Variants in NALF1 observed in about 807,000 individuals in gnomAD.
NALF1 encodes NALCN channel auxiliary factor 1.
NALF1 carries 3 observed loss-of-function variants against 48.4 expected under a neutral mutation model. The ratio of observed to expected loss-of-function variants is 0.06; its 90% CI spans 0.03 to 0.16. NALF1 has a LOEUF of 0.16. Ranked by LOEUF, NALF1 falls within the 10% of genes least tolerant of loss-of-function variation. The pLI is 1.00. For synonymous variants in NALF1, 262 were observed against 245.7 expected (o/e 1.07, Z -0.62); for missense variants, 526 against 571.5 (o/e 0.92, Z 0.81).
intron 1 of NALF1, among the ~76,000 whole-genome samples, chr13:107,725,451 T>C (rs904986975): frequency 6.6e-6 from 1 of 152,232 alleles, no homozygotes; most frequent in Non-Finnish European, 1.5e-5. Context: ...CTCACACCTG[T>C]AATCCCAACA....
intron 1 of NALF1, among the ~76,000 whole-genome samples, chr13:107,520,166 G>A (rs1876190288): frequency 6.6e-6 from 1 of 152,040 alleles, no homozygotes; most frequent in African/African-American, 2.4e-5. Context: ...GTTTTTGGGG[G>A]TTCAGAGAAA....
rs145046659 is a variant in NALF1 at position 107,720,135 on chromosome 13, G to T, written c.915+145547C>A. On this transcript the variant is annotated intron_variant, in intron 1 of 2. Transcript: ENST00000375915. ...AGCGTTTTGGTGGCCTCCACCCTAC[G>T]AACTTGCCACTCATTAAACATGTAC... 1.8e-3 allele frequency among the ~76,000 whole-genome samples: 280 copies of T among 152,228 alleles called. 1 individual carries two copies. Among genetic ancestry groups the T allele is most frequent in the African/African-American group, 6.3e-3 (263 of 41,548 alleles).
At chr13:107,498,519 A>T (rs1383992808) in intron 1 of NALF1, among the ~76,000 whole-genome samples, 1 of 152,178 alleles carries the variant, frequency 6.6e-6, no homozygotes, top group African/African-American at 2.4e-5. Context: ...AGATATGGGA[A>T]TATGATGATT....
intron 1 of NALF1, among the ~76,000 whole-genome samples, chr13:107,645,951 C>T (rs1179666313): frequency 1.3e-5 from 2 of 152,096 alleles, no homozygotes; most frequent in South Asian, 4.1e-4. Flanking sequence ...CTCTTGGTAG[C>T]CACTCTCAAC....
intron 1 of NALF1, among the ~76,000 whole-genome samples, chr13:107,412,275 G>A (rs1407264915): frequency 6.6e-6 from 1 of 152,130 alleles, no homozygotes; most frequent in African/African-American, 2.4e-5. Flanking sequence ...CACGGAAGTT[G>A]TCTCATTTAA....
At chr13:107,360,600 G>A (rs1330688830) in intron 1 of NALF1, among the ~76,000 whole-genome samples, 1 of 151,940 alleles carries the variant, frequency 6.6e-6, no homozygotes, top group East Asian at 1.9e-4. Context: ...ATTCCTACCT[G>A]CTTTTTCACA....
chr13:107,261,800 G>A (rs1880932357), intron 1 of NALF1, among the ~76,000 whole-genome samples: 1 of 152,078 alleles, frequency 6.6e-6, no homozygotes, highest in African/African-American at 2.4e-5. Context: ...AGTTACTTGA[G>A]CAAATAAATC....
At chr13:107,549,013 T>C (rs986183922) in intron 1 of NALF1, among the ~76,000 whole-genome samples, 5 of 152,154 alleles carry the variant, frequency 3.3e-5, no homozygotes, top group African/African-American at 9.6e-5. Flanking sequence ...ATATTGACTA[T>C]AGATGTGTAA....
At chr13:107,354,360 G>A (rs960790422) in intron 1 of NALF1, among the ~76,000 whole-genome samples, 6 of 152,040 alleles carry the variant, frequency 3.9e-5, no homozygotes, top group African/African-American at 1.5e-4. Flanking sequence ...AAAAAGGTAT[G>A]GTGGAGAGAG....
chr13:107,804,630 C>A (rs1878719961), intron 1 of NALF1, among the ~76,000 whole-genome samples: 1 of 152,084 alleles, frequency 6.6e-6, no homozygotes, highest in Non-Finnish European at 1.5e-5. Flanking sequence ...TGAATGTGTT[C>A]TTTTTCCCCA....
intron 1 of NALF1, among the ~76,000 whole-genome samples, chr13:107,623,458 A>T (rs1396669480): frequency 2.1e-5 from 3 of 143,220 alleles, no homozygotes; most frequent in East Asian, 4.8e-4. Context: ...AAAAAAAAAA[A>T]ATATTACTCC....
chr13:107,590,747 G>A (rs1014730748), intron 1 of NALF1, among the ~76,000 whole-genome samples: 2 of 151,896 alleles, frequency 1.3e-5, no homozygotes, highest in African/African-American at 4.8e-5. Context: ...GCCTTATGAG[G>A]AAGACGTTGA....
chr13:107,304,973 A>G (rs1045476621), intron 1 of NALF1, among the ~76,000 whole-genome samples: 9 of 152,260 alleles, frequency 5.9e-5, no homozygotes, highest in Non-Finnish European at 1.3e-4. Flanking sequence ...GACAATAACC[A>G]AATGAGGTTT....
chr13:107,535,830 T>G (rs561285954), intron 1 of NALF1, among the ~76,000 whole-genome samples: 1 of 152,206 alleles, frequency 6.6e-6, no homozygotes, highest in Non-Finnish European at 1.5e-5. Context: ...CAAACTATAC[T>G]ACAAGGCTAC....
At chr13:107,731,991 A>T (rs1470053446) in intron 1 of NALF1, among the ~76,000 whole-genome samples, 1 of 152,194 alleles carries the variant, frequency 6.6e-6, no homozygotes, top group East Asian at 1.9e-4. Flanking sequence ...AAGCAAAAAA[A>T]TAGTGGAATT....
At chr13:107,410,450 A>G (rs1443006326) in intron 1 of NALF1, among the ~76,000 whole-genome samples, 1 of 152,172 alleles carries the variant, frequency 6.6e-6, no homozygotes, top group Non-Finnish European at 1.5e-5. Flanking sequence ...AGACATTGGC[A>G]ATATCCAACA....
intron 1 of NALF1, among the ~76,000 whole-genome samples, chr13:107,405,974 C>T (rs973466677): frequency 1.3e-5 from 2 of 152,020 alleles, no homozygotes; most frequent in African/African-American, 4.8e-5. Context: ...GTACACCTCT[C>T]TGGAGATGTA....
chr13:107,837,644 C>T (rs142618167), intron 1 of NALF1, among the ~76,000 whole-genome samples: 44 of 152,130 alleles, frequency 2.9e-4, no homozygotes, highest in Non-Finnish European at 4.7e-4. Flanking sequence ...CTGAAATCAT[C>T]TGGGGAGGGT....
At chr13:107,445,266 T>A (rs1251270802) in intron 1 of NALF1, among the ~76,000 whole-genome samples, 2 of 152,234 alleles carry the variant, frequency 1.3e-5, no homozygotes, top group Admixed American at 1.3e-4. Flanking sequence ...CCGAAGTCCC[T>A]GACCTAATCT....
Sources: allele counts gnomAD v4.1 joint callset (sites outside exome capture counted in the v4.1 genomes callset), GRCh38; gene constraint gnomAD v4.1.1; transcripts MANE v1.5; gene names NCBI Gene and HGNC (gene_info 2026-07-23, HGNC 2026-07-21).